The following SLC25A12 variants were observed in gnomAD, a reference collection of about 807,000 sequenced individuals.
The protein encoded by SLC25A12 is solute carrier family 25 member 12.
A neutral mutation model predicts 83.3 loss-of-function variants in SLC25A12; 32 were observed. The observed-to-expected ratio is 0.38, with a 90% CI of 0.29 to 0.52. SLC25A12 has a LOEUF of 0.52. SLC25A12 is among the 20% of genes least tolerant of loss of function. SLC25A12 has a pLI of 0.84. For synonymous variants in SLC25A12, 267 were observed against 291.1 expected (o/e 0.92, Z 0.84); for missense variants, 611 against 835.6 (o/e 0.73, Z 3.31).
At position 171,785,353 on chromosome 2, in the gene SLC25A12, A is replaced by G; in HGVS notation, c.1958T>C (p.Phe653Ser). The change falls in exon 18 of 18, where the codon TTT becomes TCT. Residue 653 changes from phenylalanine to serine, a missense_variant. Around this residue, in one of 3 missense-constraint regions of SLC25A12, gnomAD observed 37 missense variants for 35.1 expected, o/e 1.05. Transcript: ENST00000422440. ...CTTAAATTTCGGGAGATAAAGGCCA[A>G]ATTTGTTTTCGATGCCTGCAAACGT... ...TATFAGIENK[F>S]GLYLPKFKSP... The G allele has an allele frequency of 6.2e-7, 1 of 1,614,192 alleles. No individual in the cohort carries two copies. Among genetic ancestry groups the G allele is most frequent in the Non-Finnish European group, 8.5e-7 (1 of 1,180,024 alleles).
intron 14 of SLC25A12, 59 bp from the exon 15 acceptor site, chr2:171,791,648 T>A: frequency 6.6e-7 from 1 of 1,513,970 alleles, no homozygotes; most frequent in Non-Finnish European, 9.2e-7. Context: ...AATGCCCAAA[T>A]GGGATCCATG....
At chr2:171,889,134 A>G (rs942825509) in intron 2 of SLC25A12, among the ~76,000 whole-genome samples, 1 of 152,010 alleles carries the variant, frequency 6.6e-6, no homozygotes, top group Non-Finnish European at 1.5e-5. Context: ...TCAGCCCCTG[A>G]TCCTCTGCCT....
intron 9 of SLC25A12, among the ~76,000 whole-genome samples, chr2:171,819,573 A>G (rs1008454534): frequency 9.4e-5 from 14 of 148,488 alleles, no homozygotes; most frequent in African/African-American, 3.5e-4. Context: ...AAGTCTTCAA[A>G]TCTAATAATT....
At chr2:171,871,396 C>T (rs1685453581) in intron 2 of SLC25A12, among the ~76,000 whole-genome samples, 1 of 152,244 alleles carries the variant, frequency 6.6e-6, no homozygotes, top group Non-Finnish European at 1.5e-5. Context: ...GAAATGCCAT[C>T]TCTACTAAAA....
Position 171,793,862 on chromosome 2 carries a change from A to G in SLC25A12, c.1306-95T>C, listed in dbSNP as rs552950825. ...TCCAGCAAAGCCTCCACATCTTGCT[A>G]TCTTGAAAAGAAGGAGGTGAAACTT... is the stretch of plus-strand genomic sequence containing the variant. On this transcript the variant is annotated intron_variant, in intron 13 of 17. Transcript: ENST00000422440. 2.7e-4 allele frequency: 388 copies of G among 1,436,540 alleles called. 2 individuals are homozygous for G. In the South Asian group the frequency reaches 4.2e-3, roughly 16 times the overall value. The allele number at this position is 1,436,540 out of a possible 1,614,324, so 89.0% of individuals were successfully genotyped here.
At chr2:171,815,579 T>G (rs1208207952) in intron 9 of SLC25A12, among the ~76,000 whole-genome samples, 2 of 152,322 alleles carry the variant, frequency 1.3e-5, no homozygotes, top group African/African-American at 4.8e-5. Flanking sequence ...ATTTTTTTCC[T>G]TCTTTAACTA....
chr2:171,789,378 G>A (rs956282255), intron 15 of SLC25A12, among the ~76,000 whole-genome samples: 67 of 151,912 alleles, frequency 4.4e-4, no homozygotes, highest in African/African-American at 1.4e-3. Context: ...ACAGAAGCCC[G>A]CCACCACGCC....
chr2:171,890,660 T>C (rs989910929), intron 2 of SLC25A12, among the ~76,000 whole-genome samples: 4 of 152,132 alleles, frequency 2.6e-5, no homozygotes, highest in Admixed American at 2.6e-4. Flanking sequence ...TTTTAAAATT[T>C]TTTGCAGAGA....
Position 171,834,642 on chromosome 2 carries a change from G to A in SLC25A12, c.751+85C>T. 3.5e-6 allele frequency: 5 copies of A among 1,444,502 alleles called. No individual in the cohort carries two copies. The South Asian group carries it at 5.7e-5, about 17-fold the overall frequency. The allele number at this position is 1,444,502 out of a possible 1,614,324, so 89.5% of individuals were successfully genotyped here. On this transcript the variant is annotated intron_variant, in intron 7 of 17. Transcript: ENST00000422440. Reference sequence around the variant, plus strand: ...CATACTTTCTAGATCTGGCTTTAGAGTGGTAAGCTTAGATCAACATCATGC... The same window carrying A: ...CATACTTTCTAGATCTGGCTTTAGAATGGTAAGCTTAGATCAACATCATGC...
At chr2:171,872,464 G>A (rs1685475631) in intron 2 of SLC25A12, among the ~76,000 whole-genome samples, 1 of 152,122 alleles carries the variant, frequency 6.6e-6, no homozygotes, top group East Asian at 1.9e-4. Flanking sequence ...ATAGGCAGGA[G>A]TGAGGAAAGG....
At chr2:171,835,758 G>C (rs1684540804) in intron 6 of SLC25A12, among the ~76,000 whole-genome samples, 1 of 152,178 alleles carries the variant, frequency 6.6e-6, no homozygotes, top group Non-Finnish European at 1.5e-5. Context: ...ATTACAAATA[G>C]TGTAGGTAAT....
chr2:171,798,775 G>A (rs1405478673), intron 13 of SLC25A12, among the ~76,000 whole-genome samples: 1 of 152,230 alleles, frequency 6.6e-6, no homozygotes, highest in Admixed American at 6.5e-5. Context: ...TCATTGCTGA[G>A]TGATGATATA....
At position 171,813,479 on chromosome 2, in the gene SLC25A12, A is replaced by G; in HGVS notation, c.1031T>C (p.Val344Ala). 6.2e-7 allele frequency: 1 copy of G among 1,614,048 alleles called. No individual in the cohort carries two copies. The highest frequency in any genetic ancestry group is 8.5e-7 in the Non-Finnish European group (1 of 1,179,940). Residue 344 changes from valine to alanine, a missense_variant, in exon 11 of 18, where the codon GTG becomes GCG. Val to Ala is a moderately conservative substitution (Grantham distance 64, BLOSUM62 0). Transcript: ENST00000422440. ...SVAGAVGATA[V>A]YPIDLVKTRM... The stretch of plus-strand genomic sequence containing the variant: ...GGTCTTCACCAGATCTATAGGATAC[A>G]CTGCAGTGGCTCCCACAGCTACAAA...
chr2:171,887,171 T>G (rs1314573742), intron 2 of SLC25A12, among the ~76,000 whole-genome samples: 2 of 152,226 alleles, frequency 1.3e-5, no homozygotes, highest in Non-Finnish European at 2.9e-5. Flanking sequence ...ATCTTTCTAT[T>G]AAAAATAAAT....
chr2:171,868,558 C>A (rs1447413765), intron 3 of SLC25A12, 123 bp downstream of exon 3: 1 of 922,056 alleles, frequency 1.1e-6, no homozygotes, highest in Non-Finnish European at 1.7e-6. Flanking sequence ...AGGTGATCCG[C>A]CCGCCTCAGC....
Position 171,802,096 on chromosome 2 carries a change from T to G in SLC25A12, c.1305+7510A>C, listed in dbSNP as rs1012167580. 2.0e-5 allele frequency among the ~76,000 whole-genome samples: 3 copies of G among 152,182 alleles called. 1 individual carries two copies. The South Asian group carries it at 6.2e-4, about 32-fold the overall frequency. ...AACACTCAACATTCATAAGAGATAT[T>G]TACTGAGCAACTGTATACACACACA... On this transcript the variant is annotated intron_variant, in intron 13 of 17. Transcript: ENST00000422440.
At chr2:171,805,407 G>A (rs953063687) in intron 13 of SLC25A12, among the ~76,000 whole-genome samples, 8 of 152,216 alleles carry the variant, frequency 5.3e-5, no homozygotes, top group African/African-American at 1.7e-4. Context: ...CACCGCCCCC[G>A]GCCTAAAGGT....
At chr2:171,886,375 C>A (rs1323404348) in intron 2 of SLC25A12, among the ~76,000 whole-genome samples, 4 of 151,082 alleles carry the variant, frequency 2.6e-5, no homozygotes, top group Admixed American at 1.3e-4. Flanking sequence ...ACTATAGGCT[C>A]ATGCCACCAC....
At chr2:171,827,017 T>G (rs1211278844) in intron 8 of SLC25A12, 135 bp from the exon 9 acceptor site, 2 of 663,906 alleles carry the variant, frequency 3.0e-6, no homozygotes, top group Non-Finnish European at 5.4e-6. Context: ...ACACAGATCA[T>G]TTTAGTGAAA....
Sources: allele counts gnomAD v4.1 joint callset (sites outside exome capture counted in the v4.1 genomes callset), GRCh38; gene constraint gnomAD v4.1.1; regional missense constraint gnomAD v4.1.1; transcripts MANE v1.5; gene names NCBI Gene and HGNC (gene_info 2026-07-23, HGNC 2026-07-21).